The following AP1G1 variants were observed in gnomAD, a reference collection of about 807,000 sequenced individuals.
AP1G1 encodes adaptor related protein complex 1 subunit gamma 1.
AP1G1 carries 7 observed loss-of-function variants against 108.3 expected under a neutral mutation model. The observed-to-expected ratio is 0.06, with a 90% CI of 0.04 to 0.12. AP1G1 has a LOEUF of 0.12. Among genes scored for constraint, AP1G1 ranks in the 10% least tolerant of loss-of-function variants. AP1G1 has a pLI of 1.00. For missense variants in AP1G1, 756 were observed against 1,010.7 expected, an observed-to-expected ratio of 0.75 and a Z score of 3.42; for synonymous variants, 379 against 353.5, an observed-to-expected ratio of 1.07 and a Z score of -0.81.
At chr16:71,774,622 A>C (rs577602405) in intron 2 of AP1G1, 30 bp from the exon 3 acceptor site, 4 of 1,547,782 alleles carry the variant, frequency 2.6e-6, no homozygotes, top group Admixed American at 2.3e-5. Context: ...AAAAGAAGGA[A>C]ATTAAAACTT....
At chr16:71,779,101 G>A (rs2031903454) in intron 2 of AP1G1, among the ~76,000 whole-genome samples, 1 of 152,112 alleles carries the variant, frequency 6.6e-6, no homozygotes, top group Admixed American at 6.5e-5. Flanking sequence ...ACTCTTCTCA[G>A]CAGAAGCATT....
At chr16:71,770,290 A>G (rs1023250326) in intron 5 of AP1G1, among the ~76,000 whole-genome samples, 4 of 152,366 alleles carry the variant, frequency 2.6e-5, no homozygotes, top group Admixed American at 2.6e-4. Context: ...CAAATTAAAT[A>G]TACCATACAA....
At chr16:71,795,653 G>A (rs2032559462) in intron 1 of AP1G1, among the ~76,000 whole-genome samples, 1 of 152,142 alleles carries the variant, frequency 6.6e-6, no homozygotes, top group Non-Finnish European at 1.5e-5. Context: ...AAAATACTAT[G>A]ACTAGAATGT....
In AP1G1 at chr16:71,774,868, T is replaced by C. The variant is rs552006057; in HGVS notation, c.202-276A>G. Among the ~76,000 whole-genome samples the C allele has an allele frequency of 4.7e-5, 7 of 149,834 alleles. No homozygotes were observed. In the East Asian group the frequency reaches 1.4e-3, roughly 30 times the overall value. On this transcript the variant is annotated intron_variant, in intron 2 of 22. Transcript: ENST00000299980. ...CCCGAGTAGCTGGGATTACAGGAAT[T>C]AGCCACCATGCCTGGCTAATTTTTG... is the stretch of plus-strand genomic sequence containing the variant.
intron 5 of AP1G1, 105 bp from the exon 6 acceptor site, chr16:71,769,804 C>G (rs909139263): frequency 2.2e-6 from 2 of 921,982 alleles, no homozygotes; most frequent in Admixed American, 4.7e-5. Context: ...ATAGTTGCTA[C>G]TTTTGCTTTT....
rs755981608 is a variant in AP1G1, at chr16:71,748,316, A to C, written c.1560T>G (p.Ser520=). 6.2e-7 allele frequency: 1 copy of C among 1,613,234 alleles called. No individual in the cohort carries two copies. The highest frequency in any genetic ancestry group is 1.1e-5 in the South Asian group (1 of 91,074). Residue 520 remains serine (S), a synonymous_variant, in exon 16 of 23, where the codon TCT becomes TCG. Transcript: ENST00000299980. ...CAGTGAGGGCATAACCTCGTGTCACAGAGGTGGACATATTAGAGATTAGGA... is the reference window on the plus strand; with the variant it reads ...CAGTGAGGGCATAACCTCGTGTCACCGAGGTGGACATATTAGAGATTAGGA... ...ESVLISNMST[S]VTRGYALTAI...
At chr16:71,805,307 G>A (rs1448168413) in intron 1 of AP1G1, among the ~76,000 whole-genome samples, 1 of 152,074 alleles carries the variant, frequency 6.6e-6, no homozygotes, top group Non-Finnish European at 1.5e-5. Flanking sequence ...AATTAGCTGG[G>A]CATGGTGGCG....
intron 17 of AP1G1, 126 bp from the exon 18 acceptor site, chr16:71,745,740 C>G: frequency 1.2e-6 from 1 of 800,388 alleles, no homozygotes; most frequent in Admixed American, 2.1e-5. Context: ...AACACACACA[C>G]TAAAATAGAA....
At chr16:71,766,445 TTC>T (rs1297722646) in intron 6 of AP1G1, 5 of 468,976 alleles carry the variant, frequency 1.1e-5, no homozygotes, top group African/African-American at 1.0e-4. Flanking sequence ...CTCATTTCAT[TTC>T]TGTTGATCAA....
At chr16:71,789,535 C>G in intron 1 of AP1G1, 53 bp from the exon 2 acceptor site, 2 of 1,524,234 alleles carry the variant, frequency 1.3e-6, no homozygotes, top group South Asian at 1.1e-5. Flanking sequence ...ACTACCAAAG[C>G]TATTCACACA....
At chr16:71,738,240 T>C (rs1459286180) in intron 21 of AP1G1, among the ~76,000 whole-genome samples, 1 of 151,788 alleles carries the variant, frequency 6.6e-6, no homozygotes, top group Non-Finnish European at 1.5e-5. Context: ...TTTGTACTTT[T>C]AGTAGAGACG....
intron 14 of AP1G1, 100 bp from the exon 15 acceptor site, chr16:71,750,083 A>G (rs2030404988): frequency 6.8e-7 from 1 of 1,460,820 alleles, no homozygotes; most frequent in Non-Finnish European, 9.5e-7. Flanking sequence ...AAAACTGTGC[A>G]TATCTAGAGT....
At chr16:71,781,633 A>G (rs938498722) in intron 2 of AP1G1, among the ~76,000 whole-genome samples, 2 of 152,162 alleles carry the variant, frequency 1.3e-5, no homozygotes, top group Non-Finnish European at 2.9e-5. Context: ...TTTTCACTCA[A>G]CAGCTTTGAG....
intron 16 of AP1G1, 60 bp downstream of exon 16, chr16:71,748,191 A>G: frequency 1.3e-6 from 2 of 1,556,758 alleles, no homozygotes; most frequent in Non-Finnish European, 1.7e-6. Flanking sequence ...GTTTTTTGGG[A>G]TTTTTTTTGT....
chr16:71,774,343 G>A, intron 3 of AP1G1, 125 bp downstream of exon 3: 2 of 950,556 alleles, frequency 2.1e-6, no homozygotes, highest in Admixed American at 3.1e-5. Flanking sequence ...GGAGGAGGAT[G>A]CAGTGAGTCA....
intron 2 of AP1G1, 137 bp from the exon 3 acceptor site, chr16:71,774,729 C>CT (rs1421133915): frequency 8.1e-5 from 79 of 976,862 alleles, no homozygotes; most frequent in South Asian, 2.2e-4. Context: ...TAAATCTTTT[C>CT]TTTTTTTTGA....
intron 1 of AP1G1, among the ~76,000 whole-genome samples, chr16:71,791,673 CA>C (rs59552791): frequency 0.73 from 65,740 of 90,504 alleles, 21,602 homozygotes; most frequent in East Asian, 0.89. Context: ...GACCCTGTCT[CA>C]AAAAAAAAAA....
chr16:71,769,635 C>A lies in AP1G1; in HGVS notation c.630G>T (p.Ala210=), dbSNP rs774141584. Residue 210 remains alanine (A), a synonymous_variant, in exon 6 of 23, where the codon GCG becomes GCT. Transcript: ENST00000299980. ...EMCERSPDML[A]HFRKLVPQLV... The stretch of plus-strand genomic sequence containing the variant: ...GAATGGCACCTACCTTTCTGAAATG[C>A]GCAAGCATGTCTGGGCTTCGCTCAC... 6 of 1,613,032 alleles carry A rather than the reference C, an allele frequency of 3.7e-6. No individual in the cohort carries two copies. Among genetic ancestry groups the A allele is most frequent in the Admixed American group, 1.7e-5 (1 of 59,990 alleles).
intron 2 of AP1G1, among the ~76,000 whole-genome samples, chr16:71,779,996 T>G (rs1261218595): frequency 1.3e-4 from 15 of 111,760 alleles, no homozygotes; most frequent in Admixed American, 8.2e-4. Context: ...TTTTTTTTTG[T>G]TTTTTTTTTT....
Sources: gnomAD v4.1 joint callset for allele counts (sites outside exome capture counted in the v4.1 genomes callset) on GRCh38, gnomAD v4.1.1 for gene constraint, MANE v1.5 for transcripts, NCBI Gene and HGNC (gene_info 2026-07-23, HGNC 2026-07-21) for gene names.